HDAC9: variants seen among roughly 807,000 people sequenced by gnomAD.
HDAC9 encodes the protein MEF-2 interacting transcription repressor (MITR) protein.
In HDAC9, 41 loss-of-function variants were observed where a neutral mutation model predicts 139.4. That is an observed-to-expected ratio of 0.29 (90% confidence interval 0.23 to 0.38). The LOEUF is 0.38. HDAC9 is among the 10% of genes least tolerant of loss of function. HDAC9 has a pLI of 1.00. For missense variants in HDAC9, 1,147 were observed against 1,297.0 expected (o/e 0.88, Z 1.78); for synonymous variants, 517 against 476.2 (o/e 1.09, Z -1.12).
At chr7:18,438,110 TTA>T (rs1488678566) in intron 1 of HDAC9, among the ~76,000 whole-genome samples, 1 of 149,868 alleles carries the variant, frequency 6.7e-6, no homozygotes, top group Admixed American at 6.6e-5. Context: ...GGCTAAATAT[TTA>T]TATATTAAAA....
At chr7:18,484,846 C>G (rs947709460) in intron 1 of HDAC9, among the ~76,000 whole-genome samples, 3 of 145,444 alleles carry the variant, frequency 2.1e-5, no homozygotes, top group African/African-American at 7.4e-5. Flanking sequence ...GAGCAAGACC[C>G]CACCTGTAAA....
chr7:18,218,984 A>G (rs897375591), intron 2 of HDAC9, among the ~76,000 whole-genome samples: 2 of 152,192 alleles, frequency 1.3e-5, no homozygotes, highest in Non-Finnish European at 2.9e-5. Flanking sequence ...ATGTCAAAAT[A>G]TTCTGCAGAA....
chr7:18,730,808 A>T (rs553644068), intron 13 of HDAC9, among the ~76,000 whole-genome samples: 60 of 152,034 alleles, frequency 3.9e-4, no homozygotes, highest in East Asian at 1.9e-3. Context: ...ATTTTTTTTT[A>T]AATTTCCTTA....
chr7:18,684,966 C>G (rs1782161722), intron 12 of HDAC9, among the ~76,000 whole-genome samples: 1 of 151,974 alleles, frequency 6.6e-6, no homozygotes, highest in Non-Finnish European at 1.5e-5. Flanking sequence ...ATGATCCTCT[C>G]TATTCAGTTT....
chr7:18,194,887 G>A (rs189118755), intron 2 of HDAC9, among the ~76,000 whole-genome samples: 20 of 152,084 alleles, frequency 1.3e-4, no homozygotes, highest in African/African-American at 4.6e-4. Flanking sequence ...ACAATTCCAG[G>A]AAATTATCTA....
At chr7:18,877,745 A>G (rs763008280) in intron 22 of HDAC9, among the ~76,000 whole-genome samples, 22 of 152,322 alleles carry the variant, frequency 1.4e-4, no homozygotes, top group Non-Finnish European at 2.1e-4. Flanking sequence ...TGTAATCACC[A>G]ATATCTCAGC....
chr7:18,489,757 A>G (rs546347839), intron 1 of HDAC9, among the ~76,000 whole-genome samples: 3 of 152,210 alleles, frequency 2.0e-5, no homozygotes, highest in South Asian at 2.1e-4. Flanking sequence ...TCAAAAGACT[A>G]TTAAGTTTTC....
chr7:18,337,287 T>G (rs1418747817), intron 1 of HDAC9, among the ~76,000 whole-genome samples: 1 of 151,692 alleles, frequency 6.6e-6, no homozygotes. Context: ...GCAGTTCTAC[T>G]GAAATTGGAT....
At chr7:18,516,980 A>T (rs1803427802) in intron 2 of HDAC9, among the ~76,000 whole-genome samples, 1 of 152,086 alleles carries the variant, frequency 6.6e-6, no homozygotes, top group Non-Finnish European at 1.5e-5. Flanking sequence ...ACTTAAAAAG[A>T]CATCTGATTT....
intron 12 of HDAC9, among the ~76,000 whole-genome samples, chr7:18,696,187 G>C (rs972576060): frequency 6.6e-6 from 1 of 151,782 alleles, no homozygotes; most frequent in African/African-American, 2.4e-5. Flanking sequence ...CAAAATGGTG[G>C]CTTCTTTAAA....
chr7:18,975,996 C>G, intron 25 of HDAC9, 43 bp downstream of exon 25: 1 of 1,583,598 alleles, frequency 6.3e-7, no homozygotes, highest in Non-Finnish European at 8.6e-7. Context: ...CAGTCATATC[C>G]AGGCTCATCG....
chr7:18,837,073 T>C (rs1796284698), intron 21 of HDAC9, among the ~76,000 whole-genome samples: 1 of 151,846 alleles, frequency 6.6e-6, no homozygotes, highest in African/African-American at 2.4e-5. Flanking sequence ...GAAGTTCATT[T>C]CTCATGAGAA....
At chr7:18,991,401 G>C (rs575080967) in intron 25 of HDAC9, among the ~76,000 whole-genome samples, 124 of 152,326 alleles carry the variant, frequency 8.1e-4, no homozygotes, top group African/African-American at 2.9e-3. Context: ...AGTGCTTTGG[G>C]AGGCCGAGGC....
chr7:18,338,873 C>T (rs1781784174), intron 1 of HDAC9, among the ~76,000 whole-genome samples: 1 of 151,374 alleles, frequency 6.6e-6, no homozygotes, highest in South Asian at 2.1e-4. Flanking sequence ...TAGAATTCAA[C>T]AGTCAACTCC....
intron 1 of HDAC9, among the ~76,000 whole-genome samples, chr7:18,363,453 A>T (rs1241001347): frequency 1.3e-5 from 2 of 152,184 alleles, no homozygotes; most frequent in African/African-American, 4.8e-5. Context: ...CAAAGAAAAA[A>T]ATAAATTTTG....
At chr7:18,415,841 C>T (rs925119917) in intron 1 of HDAC9, among the ~76,000 whole-genome samples, 7 of 152,118 alleles carry the variant, frequency 4.6e-5, no homozygotes, top group Non-Finnish European at 8.8e-5. Context: ...ATTGTTATAT[C>T]TTTACTGTAT....
chr7:18,231,530 T>G (rs891540887), intron 2 of HDAC9, among the ~76,000 whole-genome samples: 2 of 152,162 alleles, frequency 1.3e-5, no homozygotes, highest in African/African-American at 4.8e-5. Context: ...CCTTTCCTTA[T>G]CAGGAATAAA....
intron 2 of HDAC9, among the ~76,000 whole-genome samples, chr7:18,214,940 C>T (rs1792192601): frequency 6.6e-6 from 1 of 152,070 alleles, no homozygotes; most frequent in Non-Finnish European, 1.5e-5. Flanking sequence ...GTATTATTTT[C>T]ATTTGCAGCT....
intron 12 of HDAC9, among the ~76,000 whole-genome samples, chr7:18,701,687 A>T (rs1472198706): frequency 6.6e-6 from 1 of 152,248 alleles, no homozygotes; most frequent in East Asian, 1.9e-4. Flanking sequence ...ATTAGTAGAT[A>T]AAATCATCTG....
Sources: gnomAD v4.1 joint callset for allele counts (sites outside exome capture counted in the v4.1 genomes callset) on GRCh38, gnomAD v4.1.1 for gene constraint, MANE v1.5 for transcripts, NCBI Gene and HGNC (gene_info 2026-07-23, HGNC 2026-07-21) for gene names.